The following MAST3 variants were observed in gnomAD, a reference collection of about 807,000 sequenced individuals.
The protein encoded by MAST3 is microtubule associated serine/threonine kinase 3.
MAST3 carries 43 observed loss-of-function variants against 127.0 expected under a neutral mutation model. That is an observed-to-expected ratio of 0.34 (90% CI 0.27 to 0.44). The LOEUF (loss-of-function observed/expected upper bound fraction) is 0.44. MAST3 is among the 20% of genes least tolerant of loss of function. The probability of loss-of-function intolerance (pLI) is 1.00; values close to 1 mark genes in which losing one functional copy is unlikely to be tolerated. For synonymous variants in MAST3, 785 were observed against 809.2 expected, an observed-to-expected ratio of 0.97 and a Z score of 0.51; for missense variants, 1,390 against 1,919.1, an observed-to-expected ratio of 0.72 and a Z score of 5.15.
intron 2 of MAST3, chr19:18,109,893 G>A: frequency 3.1e-6 from 3 of 960,988 alleles, no homozygotes; most frequent in Non-Finnish European, 3.7e-6. Context: ...GAGCCCCAGG[G>A]CCGGGGCGAG....
chr19:18,147,569 C>T lies in MAST3; in HGVS notation c.3453C>T (p.Ser1151=). 2.5e-6 allele frequency: 4 copies of T among 1,582,612 alleles called. No individual in the cohort carries two copies. The highest frequency in any genetic ancestry group is 3.4e-6 in the Non-Finnish European group (4 of 1,165,252). ...GCCTCCCCGGCTCGCCCACCCACAGCCTCTCCCCCAGCCCCACCACTCCCT... is the reference window on the plus strand; with the variant it reads ...GCCTCCCCGGCTCGCCCACCCACAGTCTCTCCCCCAGCCCCACCACTCCCT... ...SESLPGSPTH[S]LSPSPTTPCR... The change falls in exon 27 of 28, where the codon AGC becomes AGT. Residue 1151 remains serine, a synonymous_variant. Coordinates refer to ENST00000687212, the MANE Select transcript of MAST3 (RefSeq NM_001393504.1).
intron 3 of MAST3, among the ~76,000 whole-genome samples, chr19:18,114,062 T>A (rs2038956136): frequency 6.6e-6 from 1 of 152,074 alleles, no homozygotes; most frequent in East Asian, 1.9e-4. Flanking sequence ...CGTCACATCC[T>A]CATCAAGGCC....
Position 18,110,778 on chromosome 19 carries a change from G to T in MAST3, c.161+37G>T. ...CGCGTGTGGGCGGGGCGCAGACATC[G>T]CCCTGGCACCCCAGAGCCTTGGAAA... On this transcript the variant is annotated intron_variant, in intron 3 of 27. Coordinates refer to ENST00000687212, the MANE Select transcript of MAST3 (RefSeq NM_001393504.1). The surrounding 1 kb of genome is among the most constrained non-coding windows in gnomAD (Gnocchi z 4.3). The T allele has an allele frequency of 2.1e-6, 2 of 946,714 alleles. No individual in the cohort carries two copies. The highest frequency in any genetic ancestry group is 2.5e-6 in the Non-Finnish European group (2 of 794,330). The allele number at this position is 946,714 out of a possible 1,614,324, so 58.6% of individuals were successfully genotyped here.
At chr19:18,117,550 G>T (rs751013269) in intron 3 of MAST3, among the ~76,000 whole-genome samples, 3 of 152,186 alleles carry the variant, frequency 2.0e-5, no homozygotes, top group Non-Finnish European at 4.4e-5. Flanking sequence ...GGACAGACAG[G>T]AAAGCGGGTT....
Position 18,143,019 on chromosome 19 carries a change from C to T in MAST3, c.2340-744C>T, listed in dbSNP as rs147792616. Among the ~76,000 whole-genome samples, 170 of 148,434 alleles carry T rather than the reference C, an allele frequency of 1.1e-3. 5 individuals carry two copies. In the East Asian group the frequency reaches 0.032, roughly 28 times the overall value. ...CCCAGCTACTTGGGAGGCTTAGGCA[C>T]GAGAATTGCTTGACCCTGGGAGGCG... On this transcript the variant is annotated intron_variant, in intron 21 of 27. Coordinates refer to ENST00000687212, the MANE Select transcript of MAST3 (RefSeq NM_001393504.1).
chr19:18,105,830 AG>A (rs1353443422), intron 1 of MAST3, among the ~76,000 whole-genome samples: 2 of 152,108 alleles, frequency 1.3e-5, no homozygotes, highest in Non-Finnish European at 2.9e-5. Context: ...GAGCTCTAAA[AG>A]GGTCTTCAAA....
rs1025770553 is a variant in MAST3 at position 18,151,504 on chromosome 19, T to C, written c.*1778T>C. On this transcript the variant is annotated 3_prime_UTR_variant, in exon 28 of 28. Transcript: ENST00000687212. The stretch of plus-strand genomic sequence containing the variant: ...TCCAGCCCCAGCTCATCCCCCATGA[T>C]GCTGTGTGACCCACTGGGCACTCTG... 10 of 152,202 alleles carry C rather than the reference T, an allele frequency of 6.6e-5. No individual in the cohort carries two copies. The highest frequency in any genetic ancestry group is 2.4e-4 in the African/African-American group (10 of 41,420). The allele number at this position is 152,202 out of a possible 1,614,324, so 9.4% of individuals were successfully genotyped here.
intron 17 of MAST3, 98 bp from the exon 18 acceptor site, chr19:18,135,642 G>T (rs1599836732): frequency 2.2e-6 from 2 of 915,554 alleles, no homozygotes; most frequent in Non-Finnish European, 3.4e-6. Context: ...CCAGTGGCTT[G>T]GAGTACAGTG....
intron 3 of MAST3, among the ~76,000 whole-genome samples, chr19:18,119,615 C>T (rs543674672): frequency 6.6e-6 from 1 of 152,184 alleles, no homozygotes; most frequent in Non-Finnish European, 1.5e-5. Flanking sequence ...CCGGCGTGAG[C>T]CAGGCCCTGT....
At chr19:18,113,617 C>T (rs1254727831) in intron 3 of MAST3, among the ~76,000 whole-genome samples, 1 of 152,138 alleles carries the variant, frequency 6.6e-6, no homozygotes, top group African/African-American at 2.4e-5. Flanking sequence ...TCTGCCACCA[C>T]TCCTGGCTAA....
At chr19:18,128,535 G>T in intron 12 of MAST3, 77 bp downstream of exon 12, 1 of 1,406,078 alleles carries the variant, frequency 7.1e-7, no homozygotes, top group Non-Finnish European at 9.7e-7. Context: ...GAAAGGGCTG[G>T]GTTTGCCGAG....
rs1486875045 is a variant in MAST3, at chr19:18,133,581, G to A, written c.1572-998G>A. On this transcript the variant is annotated intron_variant, in intron 15 of 27. Transcript: ENST00000687212. ...TTTTTTTTTTTTTTTTTGAGACGGG[G>A]TCTCACTCTGTCGCCAGGCTGGAGT... Among the ~76,000 whole-genome samples the A allele has an allele frequency of 2.8e-5, 4 of 140,364 alleles. No individual in the cohort carries two copies. The South Asian group carries it at 9.1e-4, about 32-fold the overall frequency. The allele number at this position is 140,364 out of a possible 152,430, so 92.1% of individuals were successfully genotyped here. A position where few individuals can be genotyped will look rare whatever the true frequency, so the allele number is the denominator to read the frequency against.
Position 18,123,280 on chromosome 19 carries a change from C to T in MAST3, c.463C>T (p.His155Tyr), listed in dbSNP as rs2040211031. The T allele has an allele frequency of 1.9e-6, 3 of 1,613,800 alleles. No homozygotes were observed. The Admixed American group carries it at 5.0e-5, about 27-fold the overall frequency. Residue 155 changes from histidine (H) to tyrosine (Y), a missense_variant, in exon 7 of 28, where the codon CAC (histidine) becomes TAC (tyrosine). Physicochemically the swap from His to Tyr is moderately conservative, Grantham distance 83. This residue lies in a region of MAST3 where 277 missense variants were observed against 384.8 expected (regional missense o/e 0.72). Coordinates refer to ENST00000687212, the MANE Select transcript of MAST3 (RefSeq NM_001393504.1). ...LPFQPTPDEL[H>Y]FLSKHFRSSE... ...CTTCCAGCCGACGCCGGACGAGCTG[C>T]ACTTCCTGTCCAAGCACTTCCGCAG...
intron 3 of MAST3, among the ~76,000 whole-genome samples, chr19:18,115,238 C>T (rs766282154): frequency 6.6e-6 from 1 of 152,018 alleles, no homozygotes; most frequent in African/African-American, 2.4e-5. Flanking sequence ...TGGCAGCAGG[C>T]CCTCTGGATT....
chr19:18,110,639 T>C lies in MAST3; in HGVS notation c.72-13T>C, dbSNP rs1375861033. 1.0e-6 allele frequency: 1 copy of C among 984,274 alleles called. No homozygotes were observed. Among genetic ancestry groups the C allele is most frequent in the African/African-American group, 1.7e-5 (1 of 57,186 alleles). The allele number at this position is 984,274 out of a possible 1,614,324, so 61.0% of individuals were successfully genotyped here. A position where few individuals can be genotyped will look rare whatever the true frequency, so the allele number is the denominator to read the frequency against. On this transcript the variant is annotated splice_polypyrimidine_tract_variant and intron_variant, in intron 2 of 27. Coordinates refer to ENST00000687212, the MANE Select transcript of MAST3 (RefSeq NM_001393504.1). The surrounding 1 kb of genome is among the most constrained non-coding windows in gnomAD (Gnocchi z 4.3). ...GCCGCCAGGTTCACCGTCCCCGGCC[T>C]CTTTCTTTGCAGTCTGTCTCCGAGC...
At chr19:18,137,123 A>G in intron 18 of MAST3, 116 bp from the exon 19 acceptor site, 1 of 1,355,194 alleles carries the variant, frequency 7.4e-7, no homozygotes, top group South Asian at 1.4e-5. Flanking sequence ...CGCCCGGCCC[A>G]TTTTTCTGGT....
chr19:18,118,210 T>C (rs533877075), intron 3 of MAST3: 1 of 984,694 alleles, frequency 1.0e-6, no homozygotes, highest in East Asian at 1.1e-4. Context: ...CTCCCGGCCA[T>C]CGGAGCCGCC....
At chr19:18,127,903 G>A (rs191065637) in intron 11 of MAST3, among the ~76,000 whole-genome samples, 38 of 152,248 alleles carry the variant, frequency 2.5e-4, no homozygotes, top group Admixed American at 2.0e-3. Flanking sequence ...ATAAAGCTGA[G>A]GAAACTGAGG....
At chr19:18,113,607 T>TGCA (rs2038896505) in intron 3 of MAST3, among the ~76,000 whole-genome samples, 1 of 152,086 alleles carries the variant, frequency 6.6e-6, no homozygotes, top group African/African-American at 2.4e-5. Context: ...ATTACAGGCA[T>TGCA]CTGCCACCAC....
Sources: gnomAD v4.1 joint callset for allele counts (sites outside exome capture counted in the v4.1 genomes callset) on GRCh38, gnomAD v4.1.1 for gene constraint, gnomAD v4.1.1 regional missense constraint, Gnocchi (gnomAD v3.1) non-coding constraint, MANE v1.5 for transcripts, NCBI Gene and HGNC (gene_info 2026-07-23, HGNC 2026-07-21) for gene names.